ATG10: variants seen among roughly 807,000 people sequenced by gnomAD.
ATG10 encodes the protein autophagy related 10, also known as ubiquitin-like-conjugating enzyme ATG10.
In ATG10, 30 loss-of-function variants were observed where a neutral mutation model predicts 32.1. The observed-to-expected ratio is 0.94, with a 90% CI of 0.70 to 1.27. ATG10 has a LOEUF of 1.27. Among genes scored for constraint, ATG10 ranks in the 50% most tolerant of loss-of-function variants. ATG10 has a pLI of 0.00. For synonymous variants in ATG10, 87 were observed against 91.5 expected, an observed-to-expected ratio of 0.95 and a Z score of 0.28; for missense variants, 233 against 262.3, an observed-to-expected ratio of 0.89 and a Z score of 0.77.
intron 1 of ATG10, among the ~76,000 whole-genome samples, chr5:81,977,175 T>C (rs891514659): frequency 6.6e-6 from 1 of 152,208 alleles, no homozygotes; most frequent in Admixed American, 6.5e-5. Context: ...AAATAAATCC[T>C]TTAAAATTTT....
chr5:82,085,766 G>A (rs1359240869), intron 3 of ATG10, among the ~76,000 whole-genome samples: 1 of 152,026 alleles, frequency 6.6e-6, no homozygotes, highest in African/African-American at 2.4e-5. Flanking sequence ...CACACACTAG[G>A]TACAAAGTTT....
At chr5:82,043,223 G>T (rs946967123) in intron 2 of ATG10, among the ~76,000 whole-genome samples, 1 of 152,210 alleles carries the variant, frequency 6.6e-6, no homozygotes, top group African/African-American at 2.4e-5. Flanking sequence ...CAAGGCTTGG[G>T]ATTTGCACCC....
At chr5:82,237,719 A>G (rs1008817799) in intron 5 of ATG10, among the ~76,000 whole-genome samples, 1 of 151,924 alleles carries the variant, frequency 6.6e-6, no homozygotes, top group Non-Finnish European at 1.5e-5. Flanking sequence ...GAATTCCCAT[A>G]TTCCTGGATG....
intron 2 of ATG10, among the ~76,000 whole-genome samples, chr5:82,033,642 C>T (rs1762806067): frequency 6.6e-6 from 1 of 151,896 alleles, no homozygotes; most frequent in African/African-American, 2.4e-5. Context: ...CATTGGAGTG[C>T]ATCACTGCTC....
intron 3 of ATG10, among the ~76,000 whole-genome samples, chr5:82,156,514 G>C (rs990372445): frequency 6.6e-6 from 1 of 152,078 alleles, no homozygotes; most frequent in Admixed American, 6.6e-5. Flanking sequence ...TTGTGCCCTG[G>C]CTCAGTTTCT....
At chr5:82,243,007 A>G (rs1746867323) in intron 5 of ATG10, 2 of 313,032 alleles carry the variant, frequency 6.4e-6, no homozygotes, top group South Asian at 5.5e-5. Context: ...ACAGTAGTAC[A>G]TAAATCAGTA....
intron 3 of ATG10, among the ~76,000 whole-genome samples, chr5:82,113,063 A>G (rs1323074175): frequency 2.0e-5 from 3 of 151,970 alleles, no homozygotes; most frequent in Non-Finnish European, 4.4e-5. Flanking sequence ...ATATAGTAGT[A>G]TAGCTTATTT....
chr5:82,054,782 G>A (rs1010580021), intron 2 of ATG10, among the ~76,000 whole-genome samples: 1 of 152,160 alleles, frequency 6.6e-6, no homozygotes, highest in African/African-American at 2.4e-5. Flanking sequence ...TCTGGATCCT[G>A]TAAAGACCTT....
rs1554039309 is a variant in ATG10, at chr5:81,993,336, C to CTTTCT, written c.108+5660_108+5661insTCTTT. On this transcript the variant is annotated intron_variant, in intron 2 of 7. Coordinates refer to ENST00000282185, the MANE Select transcript of ATG10 (RefSeq NM_031482.5). ...CTTTCTTTCTTTCTTTCCTTCCTTC[C>CTTTCT]TTCTTTCTTTCTTTCTTTCTTTCCT... Among the ~76,000 whole-genome samples, 386 of 77,692 alleles carry CTTTCT rather than the reference C, an allele frequency of 5.0e-3. 2 individuals are homozygous for CTTTCT. Among genetic ancestry groups the CTTTCT allele is most frequent in the East Asian group, 0.015 (39 of 2,644 alleles). The allele number at this position is 77,692 out of a possible 152,430, so 51.0% of individuals were successfully genotyped here.
intron 2 of ATG10, among the ~76,000 whole-genome samples, chr5:82,019,394 G>A (rs1023745429): frequency 2.0e-5 from 3 of 152,032 alleles, no homozygotes; most frequent in African/African-American, 4.8e-5. Flanking sequence ...ACAGTGTGTT[G>A]AGTGGGACCT....
chr5:82,145,035 T>A lies in ATG10; in HGVS notation c.217-19364T>A, dbSNP rs1315127004. 2.6e-5 allele frequency among the ~76,000 whole-genome samples: 4 copies of A among 151,950 alleles called. No homozygotes were observed. In the South Asian group the frequency reaches 8.3e-4, roughly 31 times the overall value. Reference sequence around the variant, plus strand: ...AATTGCCTCTTTTATCATTATGAAGTATCCCTGTTTATCTTCAGTAATACT... The same window carrying A: ...AATTGCCTCTTTTATCATTATGAAGAATCCCTGTTTATCTTCAGTAATACT... On this transcript the variant is annotated intron_variant, in intron 3 of 7. Transcript: ENST00000282185.
chr5:81,986,353 G>A (rs1005967321), intron 1 of ATG10, among the ~76,000 whole-genome samples: 15 of 152,286 alleles, frequency 9.8e-5, no homozygotes, highest in African/African-American at 3.1e-4. Context: ...GATTAATCTG[G>A]CAAGTTGGTT....
chr5:82,054,178 A>G (rs1390628664), intron 2 of ATG10, among the ~76,000 whole-genome samples: 1 of 152,196 alleles, frequency 6.6e-6, no homozygotes, highest in Non-Finnish European at 1.5e-5. Context: ...GAGGTGAGAC[A>G]CCAGCAACAG....
intron 1 of ATG10, among the ~76,000 whole-genome samples, chr5:81,982,208 A>C (rs1761068947): frequency 6.6e-6 from 1 of 152,164 alleles, no homozygotes; most frequent in African/African-American, 2.4e-5. Flanking sequence ...CTATAATCCT[A>C]GTACTTTGGG....
intron 5 of ATG10, among the ~76,000 whole-genome samples, chr5:82,213,258 C>T (rs1745559779): frequency 2.0e-5 from 3 of 152,184 alleles, no homozygotes; most frequent in Admixed American, 6.5e-5. Context: ...CCCCTTTGGA[C>T]CTGAAGCCAG....
chr5:82,243,884 A>T (rs908522146), intron 5 of ATG10, among the ~76,000 whole-genome samples: 1 of 152,182 alleles, frequency 6.6e-6, no homozygotes, highest in Admixed American at 6.5e-5. Context: ...AAATATAAAA[A>T]ATTAAGAAAA....
intron 2 of ATG10, among the ~76,000 whole-genome samples, chr5:81,993,413 C>CTTTTCTT (rs1761561472): frequency 2.8e-5 from 3 of 106,720 alleles, no homozygotes; most frequent in Non-Finnish European, 5.6e-5. Context: ...CTTTTCTTTT[C>CTTTTCTT]TTTTCTTTTC....
At chr5:82,010,206 T>C in intron 2 of ATG10, 1 of 835,962 alleles carries the variant, frequency 1.2e-6, no homozygotes, top group Non-Finnish European at 1.9e-6. Context: ...ATTCTGATTA[T>C]GAATATCTGT....
chr5:82,136,797 G>A (rs1389020699), intron 3 of ATG10, among the ~76,000 whole-genome samples: 1 of 152,166 alleles, frequency 6.6e-6, no homozygotes, highest in Non-Finnish European at 1.5e-5. Context: ...ATAATATCCT[G>A]AAGAGTGTTT....
Sources: allele counts gnomAD v4.1 joint callset (sites outside exome capture counted in the v4.1 genomes callset), GRCh38; gene constraint gnomAD v4.1.1; transcripts MANE v1.5; gene names NCBI Gene and HGNC (gene_info 2026-07-23, HGNC 2026-07-21).